The following NXPH2 variants were observed in gnomAD, a reference collection of about 807,000 sequenced individuals.
The protein encoded by NXPH2 is neurexophilin-2.
In NXPH2, 5 loss-of-function variants were observed where a neutral mutation model predicts 19.8. The ratio of observed to expected loss-of-function variants is 0.25; its 90% CI spans 0.13 to 0.53. The LOEUF is 0.53. Among genes scored for constraint, NXPH2 ranks in the 20% least tolerant of loss-of-function variants. NXPH2 has a pLI of 0.96. For synonymous variants in NXPH2, 154 were observed against 127.4 expected (o/e 1.21, Z -1.41); for missense variants, 289 against 322.8 (o/e 0.90, Z 0.80).
At chr2:138,683,856 T>C (rs1157959610) in intron 1 of NXPH2, among the ~76,000 whole-genome samples, 1 of 152,198 alleles carries the variant, frequency 6.6e-6, no homozygotes, top group South Asian at 2.1e-4. Context: ...CTTAGATACA[T>C]AGTACAGTAT....
chr2:138,713,156 G>T (rs1455215898), intron 1 of NXPH2, among the ~76,000 whole-genome samples: 1 of 152,194 alleles, frequency 6.6e-6, no homozygotes, highest in African/African-American at 2.4e-5. Context: ...GGCCATTCAG[G>T]ATCTACTTCC....
intron 1 of NXPH2, among the ~76,000 whole-genome samples, chr2:138,687,126 A>G (rs1264772846): frequency 6.6e-6 from 1 of 152,224 alleles, no homozygotes; most frequent in African/African-American, 2.4e-5. Flanking sequence ...AGGAATCGCC[A>G]CACTGTCTTC....
At chr2:138,686,655 A>G (rs1007654838) in intron 1 of NXPH2, among the ~76,000 whole-genome samples, 1 of 151,892 alleles carries the variant, frequency 6.6e-6, no homozygotes, top group African/African-American at 2.4e-5. Context: ...GCACCCATTA[A>G]CTCGTCATTT....
At chr2:138,764,125 A>G (rs1682057530) in intron 1 of NXPH2, among the ~76,000 whole-genome samples, 1 of 152,114 alleles carries the variant, frequency 6.6e-6, no homozygotes, top group African/African-American at 2.4e-5. Flanking sequence ...CCACAGAGAA[A>G]CACTTAACAT....
intron 1 of NXPH2, among the ~76,000 whole-genome samples, chr2:138,711,951 C>A (rs1681112970): frequency 6.6e-6 from 1 of 152,184 alleles, no homozygotes. Flanking sequence ...TAAAGAGCAA[C>A]CAGTTAGCTT....
intron 1 of NXPH2, among the ~76,000 whole-genome samples, chr2:138,736,992 A>T (rs1681557798): frequency 6.6e-6 from 1 of 152,196 alleles, no homozygotes; most frequent in African/African-American, 2.4e-5. Context: ...CCTGGACTTT[A>T]GTGTCCATAT....
intron 1 of NXPH2, among the ~76,000 whole-genome samples, chr2:138,774,367 T>C (rs951469084): frequency 6.6e-6 from 1 of 152,208 alleles, no homozygotes; most frequent in Non-Finnish European, 1.5e-5. Flanking sequence ...TAGTAATCCA[T>C]CTTGTAGTGT....
intron 1 of NXPH2, among the ~76,000 whole-genome samples, chr2:138,690,058 T>C (rs1337661031): frequency 6.6e-6 from 1 of 152,192 alleles, no homozygotes; most frequent in Non-Finnish European, 1.5e-5. Context: ...CCTTACGCGA[T>C]AATAAGGTCA....
intron 1 of NXPH2, among the ~76,000 whole-genome samples, chr2:138,769,463 G>A (rs2104843309): frequency 6.6e-6 from 1 of 152,296 alleles, no homozygotes; most frequent in Admixed American, 6.5e-5. Flanking sequence ...AAATGCATAA[G>A]AGTGCTAGAA....
chr2:138,695,004 C>T (rs1680808205), intron 1 of NXPH2, among the ~76,000 whole-genome samples: 2 of 152,152 alleles, frequency 1.3e-5, no homozygotes, highest in East Asian at 3.9e-4. Flanking sequence ...AATTGTAACA[C>T]AATGGTAAGG....
intron 1 of NXPH2, among the ~76,000 whole-genome samples, chr2:138,751,599 T>C (rs1486288601): frequency 1.3e-5 from 2 of 152,136 alleles, no homozygotes; most frequent in African/African-American, 4.8e-5. Context: ...CAGGGGAAAG[T>C]TTTGCCTCTC....
intron 1 of NXPH2, among the ~76,000 whole-genome samples, chr2:138,758,561 A>C (rs1313183159): frequency 6.6e-6 from 1 of 152,162 alleles, no homozygotes; most frequent in East Asian, 1.9e-4. Flanking sequence ...TTCATGCCTC[A>C]TGTCTCCACC....
At position 138,671,540 on chromosome 2, in the gene NXPH2, A is replaced by G. The variant is rs893137157; in HGVS notation, c.177T>C (p.Phe59=). ...HSRIISPLRL[F]VKQSPVPKPG... ...GCTTGGGCACCGGAGACTGTTTAACAAACAGGCGCAGGGGACTGATGATCC... is the reference window on the plus strand; with the variant it reads ...GCTTGGGCACCGGAGACTGTTTAACGAACAGGCGCAGGGGACTGATGATCC... Residue 59 remains phenylalanine, a synonymous_variant, in exon 2 of 2, where the codon TTT becomes TTC. Transcript: ENST00000272641. 1.1e-5 allele frequency: 17 copies of G among 1,613,896 alleles called. No individual in the cohort carries two copies. Among genetic ancestry groups the G allele is most frequent in the Non-Finnish European group, 1.4e-5 (17 of 1,179,886 alleles).
At chr2:138,766,304 G>A (rs142406416) in intron 1 of NXPH2, among the ~76,000 whole-genome samples, 14 of 152,318 alleles carry the variant, frequency 9.2e-5, no homozygotes, top group African/African-American at 3.4e-4. Flanking sequence ...ATTTAGTTGA[G>A]AGAGGCTGAA....
At chr2:138,693,531 C>T (rs1680774382) in intron 1 of NXPH2, among the ~76,000 whole-genome samples, 2 of 152,044 alleles carry the variant, frequency 1.3e-5, no homozygotes, top group Non-Finnish European at 2.9e-5. Flanking sequence ...CCATGAATTA[C>T]TGGTATAAGG....
At position 138,671,612 on chromosome 2, in the gene NXPH2, T is replaced by A. The variant is rs1288024911; in HGVS notation, c.105A>T (p.Glu35Asp). ...CCAACGTCCCTGGAGCATCTTTGTC[T>A]TCCCAATCCAGCCCCTCCGTGGCAT... ...VVHATEGLDW[E>D]DKDAPGTLVG... The change falls in exon 2 of 2, where the codon GAA (glutamate) becomes GAT (aspartate). Residue 35 changes from glutamate (E) to aspartate (D), a missense_variant. Glu to Asp is a conservative substitution (Grantham distance 45). Transcript: ENST00000272641. 6.2e-7 allele frequency: 1 copy of A among 1,606,724 alleles called. No homozygotes were observed. The highest frequency in any genetic ancestry group is 8.5e-7 in the Non-Finnish European group (1 of 1,176,748).
intron 1 of NXPH2, among the ~76,000 whole-genome samples, chr2:138,728,289 C>T (rs1681390415): frequency 6.6e-6 from 1 of 152,188 alleles, no homozygotes; most frequent in African/African-American, 2.4e-5. Flanking sequence ...CACTAGAAAT[C>T]AATCCTACTA....
chr2:138,778,750 A>G (rs976686131), intron 1 of NXPH2, among the ~76,000 whole-genome samples: 2 of 152,258 alleles, frequency 1.3e-5, no homozygotes, highest in Non-Finnish European at 2.9e-5. Context: ...AGCAAGGGAT[A>G]CTAAAGATTA....
At chr2:138,759,980 C>T (rs985060960) in intron 1 of NXPH2, among the ~76,000 whole-genome samples, 2 of 152,108 alleles carry the variant, frequency 1.3e-5, no homozygotes, top group Admixed American at 6.5e-5. Context: ...CCGCCCGCCT[C>T]GGCCTCCCAA....
Sources: gnomAD v4.1 joint callset for allele counts (sites outside exome capture counted in the v4.1 genomes callset) on GRCh38, gnomAD v4.1.1 for gene constraint, MANE v1.5 for transcripts, NCBI Gene and HGNC (gene_info 2026-07-23, HGNC 2026-07-21) for gene names.